Variants in CAAP1 observed in about 807,000 individuals in gnomAD.
CAAP1 encodes conserved anti-apoptotic protein.
CAAP1 carries 20 observed loss-of-function variants against 34.0 expected under a neutral mutation model. The observed-to-expected ratio is 0.59, with a 90% CI of 0.41 to 0.86. The LOEUF (loss-of-function observed/expected upper bound fraction) is 0.86, where lower values mean the gene tolerates loss of function less well. Among genes scored for constraint, CAAP1 ranks in the 40% least tolerant of loss-of-function variants. The pLI is 0.00. For missense variants in CAAP1, 538 were observed against 450.5 expected, an observed-to-expected ratio of 1.19 and a Z score of -1.76; for synonymous variants, 213 against 166.7, an observed-to-expected ratio of 1.28 and a Z score of -2.14.
chr9:26,859,188 G>T (rs1023096860), intron 5 of CAAP1, among the ~76,000 whole-genome samples: 3 of 152,012 alleles, frequency 2.0e-5, no homozygotes, highest in African/African-American at 7.3e-5. Context: ...GTGGTTACAG[G>T]CTCCTAAGCA....
intron 4 of CAAP1, among the ~76,000 whole-genome samples, chr9:26,883,891 T>A (rs1477850362): frequency 1.3e-5 from 2 of 152,174 alleles, no homozygotes; most frequent in Non-Finnish European, 2.9e-5. Context: ...AGTAAGACAT[T>A]AAAAATGTGT....
intron 4 of CAAP1, among the ~76,000 whole-genome samples, chr9:26,874,659 C>T (rs907681706): frequency 1.3e-5 from 2 of 152,100 alleles, no homozygotes; most frequent in Non-Finnish European, 2.9e-5. Context: ...TAATCTTCAT[C>T]CCCATTAAAA....
intron 2 of CAAP1, 82 bp from the exon 3 acceptor site, chr9:26,886,270 T>A: frequency 3.4e-6 from 2 of 585,806 alleles, no homozygotes; most frequent in South Asian, 4.7e-5. Context: ...CATAAAAATT[T>A]AAGTTAGCAA....
chr9:26,884,974 T>G, intron 3 of CAAP1, 89 bp from the exon 4 acceptor site: 1 of 993,980 alleles, frequency 1.0e-6, no homozygotes. Context: ...TCTTTAAAAG[T>G]GATGCAGATT....
Position 26,840,754 on chromosome 9 carries a change from A to G in CAAP1, c.*1547T>C, listed in dbSNP as rs1563874330. The stretch of plus-strand genomic sequence containing the variant: ...TGTTTTACTTTATATGTTTAATCAT[A>G]CAGATGCCATCTACAGTATTTTGTA... On this transcript the variant is annotated 3_prime_UTR_variant, in exon 6 of 6. Coordinates refer to ENST00000333916, the MANE Select transcript of CAAP1 (RefSeq NM_024828.4). The G allele has an allele frequency of 6.6e-6, 1 of 152,238 alleles. No homozygotes were observed. The highest frequency in any genetic ancestry group is 1.5e-5 in the Non-Finnish European group (1 of 68,040). 9.4% of individuals were successfully genotyped at this position (152,238 alleles called of 1,614,324 possible). A position where few individuals can be genotyped will look rare whatever the true frequency, so the allele number is the denominator to read the frequency against.
chr9:26,856,197 T>C (rs1268680052), intron 5 of CAAP1, among the ~76,000 whole-genome samples: 2 of 152,082 alleles, frequency 1.3e-5, no homozygotes, highest in Non-Finnish European at 2.9e-5. Flanking sequence ...TGCATGTCTT[T>C]AGGGAAAAGA....
At chr9:26,869,579 G>A (rs1823223958) in intron 4 of CAAP1, among the ~76,000 whole-genome samples, 1 of 152,138 alleles carries the variant, frequency 6.6e-6, no homozygotes, top group South Asian at 2.1e-4. Context: ...AGCTAATTGA[G>A]TACAACTTTT....
At chr9:26,889,621 G>A (rs1407058406) in intron 1 of CAAP1, among the ~76,000 whole-genome samples, 3 of 151,924 alleles carry the variant, frequency 2.0e-5, no homozygotes, top group Non-Finnish European at 4.4e-5. Context: ...TTGGGAGGCC[G>A]AGGTGGGAGG....
intron 4 of CAAP1, among the ~76,000 whole-genome samples, chr9:26,861,554 T>C (rs1290402497): frequency 1.3e-5 from 2 of 152,164 alleles, no homozygotes; most frequent in African/African-American, 4.8e-5. Flanking sequence ...CTCAAATGCT[T>C]TAATGTCTAC....
chr9:26,842,187 C>T lies in CAAP1; in HGVS notation c.*114G>A, dbSNP rs1822496921. The T allele has an allele frequency of 7.6e-6, 6 of 787,220 alleles. No individual in the cohort carries two copies. The South Asian group carries it at 1.3e-4, about 17-fold the overall frequency. 48.8% of individuals were successfully genotyped at this position (787,220 alleles called of 1,614,324 possible). A position where few individuals can be genotyped will look rare whatever the true frequency, so the allele number is the denominator to read the frequency against. Reference sequence around the variant, plus strand: ...AGGTAATTTAGGGCTAAAATGAGTCCTAATAAGGGTTACATGAGAAATAAC... The same window carrying T: ...AGGTAATTTAGGGCTAAAATGAGTCTTAATAAGGGTTACATGAGAAATAAC... On this transcript the variant is annotated 3_prime_UTR_variant, in exon 6 of 6. Transcript: ENST00000333916.
At chr9:26,852,399 G>A (rs1259809722) in intron 5 of CAAP1, among the ~76,000 whole-genome samples, 1 of 151,916 alleles carries the variant, frequency 6.6e-6, no homozygotes, top group Admixed American at 6.6e-5. Context: ...AGGCTGCAGT[G>A]AGCTGAGATC....
intron 4 of CAAP1, among the ~76,000 whole-genome samples, chr9:26,870,560 A>G (rs1823249762): frequency 6.8e-6 from 1 of 146,078 alleles, no homozygotes; most frequent in South Asian, 2.3e-4. Flanking sequence ...ACACACACAC[A>G]CACACGTATA....
intron 5 of CAAP1, among the ~76,000 whole-genome samples, chr9:26,855,003 T>A (rs1405314192): frequency 6.6e-6 from 1 of 152,256 alleles, no homozygotes; most frequent in Non-Finnish European, 1.5e-5. Flanking sequence ...CTAAACTTGG[T>A]ATTTATCCAA....
chr9:26,857,951 A>C (rs569854190), intron 5 of CAAP1, among the ~76,000 whole-genome samples: 2 of 152,358 alleles, frequency 1.3e-5, no homozygotes, highest in African/African-American at 4.8e-5. Context: ...AGTATTTTAA[A>C]TGCTCTAAAT....
intron 5 of CAAP1, among the ~76,000 whole-genome samples, chr9:26,845,548 G>C (rs1394884947): frequency 1.3e-5 from 2 of 152,086 alleles, no homozygotes; most frequent in Admixed American, 6.6e-5. Context: ...GCTAATTTTT[G>C]TATTTTTAAT....
intron 4 of CAAP1, among the ~76,000 whole-genome samples, chr9:26,879,450 C>A (rs754567925): frequency 2.0e-5 from 3 of 152,168 alleles, no homozygotes; most frequent in Non-Finnish European, 4.4e-5. Flanking sequence ...TGATTTCTAT[C>A]CCCTATTTTT....
chr9:26,850,247 GA>G (rs1422649088), intron 5 of CAAP1, among the ~76,000 whole-genome samples: 4 of 152,154 alleles, frequency 2.6e-5, no homozygotes, highest in Non-Finnish European at 5.9e-5. Context: ...TTATTTGAAG[GA>G]GTAGAAATAA....
intron 4 of CAAP1, among the ~76,000 whole-genome samples, chr9:26,873,381 A>G (rs182259556): frequency 6.3e-4 from 96 of 152,348 alleles, no homozygotes; most frequent in African/African-American, 2.1e-3. Flanking sequence ...TTTCACTGGT[A>G]TCTCCCTCAA....
intron 4 of CAAP1, among the ~76,000 whole-genome samples, chr9:26,879,413 A>C (rs1383543119): frequency 6.6e-6 from 1 of 152,230 alleles, no homozygotes; most frequent in Non-Finnish European, 1.5e-5. Flanking sequence ...TTCACACATG[A>C]ATAAAAATGG....
Sources: gnomAD v4.1 joint callset for allele counts (sites outside exome capture counted in the v4.1 genomes callset) on GRCh38, gnomAD v4.1.1 for gene constraint, MANE v1.5 for transcripts, NCBI Gene and HGNC (gene_info 2026-07-23, HGNC 2026-07-21) for gene names.